CFAP299: variants seen among roughly 807,000 people sequenced by gnomAD.
The protein encoded by CFAP299 is cilia and flagella associated protein 299, also known as cilia- and flagella-associated protein 299.
A neutral mutation model predicts 27.0 loss-of-function variants in CFAP299; 21 were observed. The ratio of observed to expected loss-of-function variants is 0.78; its 90% CI spans 0.55 to 1.12. The LOEUF (loss-of-function observed/expected upper bound fraction) is 1.12. Among genes scored for constraint, CFAP299 ranks in the 50% most tolerant of loss-of-function variants. The probability of loss-of-function intolerance (pLI) is 0.00; values close to 1 mark genes in which losing one functional copy is unlikely to be tolerated. For synonymous variants in CFAP299, 104 were observed against 98.1 expected (o/e 1.06, Z -0.36); for missense variants, 310 against 276.6 (o/e 1.12, Z -0.86).
intron 4 of CFAP299, among the ~76,000 whole-genome samples, chr4:80,936,767 C>T (rs1474464250): frequency 6.6e-6 from 1 of 151,782 alleles, no homozygotes; most frequent in East Asian, 1.9e-4. Flanking sequence ...CAAATCTGCA[C>T]ATGTACTCCT....
At chr4:80,410,876 A>G (rs1344376170) in intron 2 of CFAP299, among the ~76,000 whole-genome samples, 1 of 152,094 alleles carries the variant, frequency 6.6e-6, no homozygotes, top group Admixed American at 6.6e-5. Context: ...AAGAAGTTGT[A>G]CATATTTAGA....
intron 3 of CFAP299, among the ~76,000 whole-genome samples, chr4:80,799,721 ATTT>A (rs1481221968): frequency 5.4e-5 from 3 of 55,214 alleles, no homozygotes; most frequent in Admixed American, 3.5e-4. Context: ...TATATATTAT[ATTT>A]TATAAATATA....
At chr4:80,564,148 AG>A (rs1735170290) in intron 2 of CFAP299, among the ~76,000 whole-genome samples, 1 of 152,012 alleles carries the variant, frequency 6.6e-6, no homozygotes, top group Non-Finnish European at 1.5e-5. Context: ...TATAAAAAAT[AG>A]GGGAGGAGGG....
intron 3 of CFAP299, among the ~76,000 whole-genome samples, chr4:80,770,345 T>C (rs573041305): frequency 2.0e-5 from 3 of 152,286 alleles, no homozygotes; most frequent in East Asian, 3.9e-4. Flanking sequence ...GCCTAAATAC[T>C]CTGGCAGTTT....
At chr4:80,420,327 A>G in intron 2 of CFAP299, 2 of 419,892 alleles carry the variant, frequency 4.8e-6, no homozygotes, top group Admixed American at 5.0e-5. Flanking sequence ...ACAAAAGGCA[A>G]GTTTGCAGGG....
At chr4:80,872,900 T>C in intron 4 of CFAP299, 2 of 965,266 alleles carry the variant, frequency 2.1e-6, no homozygotes, top group Non-Finnish European at 2.5e-6. Flanking sequence ...AAATATCATC[T>C]CTCTGTGTGT....
intron 3 of CFAP299, among the ~76,000 whole-genome samples, chr4:80,796,209 T>C (rs1180627489): frequency 6.6e-6 from 1 of 152,202 alleles, no homozygotes; most frequent in Non-Finnish European, 1.5e-5. Flanking sequence ...TGCAGCAATT[T>C]ATTCTTCACC....
At chr4:80,396,744 G>A (rs939624161) in intron 2 of CFAP299, among the ~76,000 whole-genome samples, 2 of 152,122 alleles carry the variant, frequency 1.3e-5, no homozygotes, top group Non-Finnish European at 2.9e-5. Flanking sequence ...TGATCATGGT[G>A]GATAAGCTTT....
rs894180525 is a variant in CFAP299 at position 80,606,332 on chromosome 4, C to T, written c.333+23149C>T. The stretch of plus-strand genomic sequence containing the variant: ...CGGGTGGATCACAAGGTCAGGAGTT[C>T]GAAACCAGCCTAGCCAACATGGTGA... On this transcript the variant is annotated intron_variant, in intron 3 of 5. Transcript: ENST00000358105. Among the ~76,000 whole-genome samples the T allele has an allele frequency of 5.9e-5, 9 of 152,130 alleles. No homozygotes were observed. In the South Asian group the frequency reaches 8.3e-4, roughly 14 times the overall value.
At chr4:80,524,285 T>A (rs1031114424) in intron 2 of CFAP299, among the ~76,000 whole-genome samples, 18 of 152,074 alleles carry the variant, frequency 1.2e-4, no homozygotes, top group Non-Finnish European at 2.4e-4. Context: ...CCAGTGCCCA[T>A]GGGCTCATAC....
chr4:80,633,112 CAT>C (rs1406723180), intron 3 of CFAP299, among the ~76,000 whole-genome samples: 1 of 152,132 alleles, frequency 6.6e-6, no homozygotes, highest in African/African-American at 2.4e-5. Flanking sequence ...AAGTGAGAAA[CAT>C]ATACATCATA....
rs1184951626 is a variant in CFAP299 at position 80,868,905 on chromosome 4, CTGTGTGTG to C, written c.334-1052_334-1045del. On this transcript the variant is annotated intron_variant, in intron 3 of 5. Transcript: ENST00000358105. ...ATTCCATGGGTGGGGGCTTCTCTCTCTGTGTGTGTGTGTGTGTGTGTGTGTGTGTGTGT... is the reference window on the plus strand; with the variant it reads ...ATTCCATGGGTGGGGGCTTCTCTCTCTGTGTGTGTGTGTGTGTGTGTGTGT... 2.1e-3 allele frequency among the ~76,000 whole-genome samples: 292 copies of C among 137,670 alleles called. 1 individual carries two copies. Among genetic ancestry groups the C allele is most frequent in the African/African-American group, 5.6e-3 (204 of 36,394 alleles). 90.3% of individuals were successfully genotyped at this position (137,670 alleles called of 152,430 possible).
intron 4 of CFAP299, among the ~76,000 whole-genome samples, chr4:80,939,314 T>G (rs1331054822): frequency 6.6e-6 from 1 of 152,198 alleles, no homozygotes; most frequent in Non-Finnish European, 1.5e-5. Flanking sequence ...ATATACTGTC[T>G]CATTTGATGG....
intron 3 of CFAP299, among the ~76,000 whole-genome samples, chr4:80,835,724 T>G (rs1011437780): frequency 1.6e-4 from 24 of 152,162 alleles, no homozygotes; most frequent in Admixed American, 1.5e-3. Context: ...ATTAAACACA[T>G]GTGTGGACCT....
intron 3 of CFAP299, among the ~76,000 whole-genome samples, chr4:80,636,030 T>C (rs1277054374): frequency 6.6e-6 from 1 of 152,158 alleles, no homozygotes; most frequent in Non-Finnish European, 1.5e-5. Flanking sequence ...TTTTAGGATT[T>C]CTCCTCAGTT....
chr4:80,592,702 A>C (rs537870380), intron 3 of CFAP299, among the ~76,000 whole-genome samples: 21 of 152,350 alleles, frequency 1.4e-4, no homozygotes, highest in East Asian at 1.3e-3. Flanking sequence ...ATTATGGCTC[A>C]ATCTATTTTG....
At chr4:80,829,532 T>C (rs1730182698) in intron 3 of CFAP299, among the ~76,000 whole-genome samples, 1 of 152,014 alleles carries the variant, frequency 6.6e-6, no homozygotes, top group Non-Finnish European at 1.5e-5. Context: ...CTCAAAAATA[T>C]TGAAAATAGA....
chr4:80,383,805 T>C (rs527704685), intron 2 of CFAP299, among the ~76,000 whole-genome samples: 1 of 152,340 alleles, frequency 6.6e-6, no homozygotes, highest in East Asian at 1.9e-4. Flanking sequence ...TCAGAGACAC[T>C]GCTGTTTGTG....
At chr4:80,397,922 G>C (rs1256456025) in intron 2 of CFAP299, among the ~76,000 whole-genome samples, 3 of 152,162 alleles carry the variant, frequency 2.0e-5, no homozygotes, top group Admixed American at 1.3e-4. Context: ...TGACATGATT[G>C]TATATTTAGA....
Sources: gnomAD v4.1 joint callset for allele counts (sites outside exome capture counted in the v4.1 genomes callset) on GRCh38, gnomAD v4.1.1 for gene constraint, MANE v1.5 for transcripts, NCBI Gene and HGNC (gene_info 2026-07-23, HGNC 2026-07-21) for gene names.